Variants in CCDC172 observed in about 807,000 individuals in gnomAD.
CCDC172 encodes coiled-coil domain containing 172.
A neutral mutation model predicts 38.0 loss-of-function variants in CCDC172; 30 were observed. The observed-to-expected ratio is 0.79, with a 90% CI of 0.59 to 1.07. The LOEUF is 1.07. CCDC172 is among the 50% of genes least tolerant of loss of function. The pLI is 0.00. For synonymous variants in CCDC172, 78 were observed against 88.3 expected (o/e 0.88, Z 0.66); for missense variants, 297 against 290.1 (o/e 1.02, Z -0.17).
intron 7 of CCDC172, among the ~76,000 whole-genome samples, chr10:116,375,589 T>G (rs563974769): frequency 1.3e-5 from 2 of 151,944 alleles, no homozygotes; most frequent in South Asian, 2.1e-4. Context: ...AATCATGGTT[T>G]CCAGCTTCAT....
chr10:116,325,232 G>C (rs1431476510), intron 2 of CCDC172, 71 bp from the exon 3 acceptor site: 1 of 1,499,122 alleles, frequency 6.7e-7, no homozygotes, highest in East Asian at 2.3e-5. Context: ...CTGAAAGGTG[G>C]CTTATCAAAC....
At chr10:116,372,570 T>G (rs759097825) in intron 7 of CCDC172, among the ~76,000 whole-genome samples, 11 of 152,180 alleles carry the variant, frequency 7.2e-5, no homozygotes, top group Non-Finnish European at 1.5e-4. Flanking sequence ...TCTGGCTTTT[T>G]AGATTTACCA....
chr10:116,347,804 C>T (rs1044740941), intron 5 of CCDC172, among the ~76,000 whole-genome samples: 1 of 152,128 alleles, frequency 6.6e-6, no homozygotes, highest in Non-Finnish European at 1.5e-5. Flanking sequence ...AACTTGATTT[C>T]ACTGGGTTTT....
In CCDC172 at chr10:116,367,280, T is replaced by C. The variant is rs143730838; in HGVS notation, c.653+9342T>C. 4.4e-3 allele frequency among the ~76,000 whole-genome samples: 665 copies of C among 152,286 alleles called. 4 individuals carry two copies. The highest frequency in any genetic ancestry group is 0.015 in the African/African-American group (641 of 41,546). On this transcript the variant is annotated intron_variant, in intron 7 of 8. Coordinates refer to ENST00000333254, the MANE Select transcript of CCDC172 (RefSeq NM_198515.3). ...GAATGTTCTCATGATAAAGTAATGA[T>C]AAATGTATGAGGTGATGGATATACA... is the stretch of plus-strand genomic sequence containing the variant.
At chr10:116,341,754 A>C (rs1844797948) in intron 4 of CCDC172, among the ~76,000 whole-genome samples, 1 of 151,850 alleles carries the variant, frequency 6.6e-6, no homozygotes, top group South Asian at 2.1e-4. Flanking sequence ...GAATTTTAAT[A>C]CACAAATAAA....
At chr10:116,333,749 T>C (rs1370118806) in intron 3 of CCDC172, among the ~76,000 whole-genome samples, 2 of 152,308 alleles carry the variant, frequency 1.3e-5, no homozygotes, top group East Asian at 1.9e-4. Context: ...ATGAGCAGCT[T>C]TGGAGGAATA....
At chr10:116,378,031 A>G (rs528105359) in intron 7 of CCDC172, among the ~76,000 whole-genome samples, 127 of 152,200 alleles carry the variant, frequency 8.3e-4, no homozygotes, top group African/African-American at 2.8e-3. Flanking sequence ...AAACACAAAA[A>G]TTAGCTGAGT....
chr10:116,345,325 G>A (rs918742286), intron 5 of CCDC172, among the ~76,000 whole-genome samples: 13 of 152,218 alleles, frequency 8.5e-5, no homozygotes, highest in Middle Eastern at 3.4e-3. Context: ...TCTTCACACC[G>A]TATTATAAAT....
intron 3 of CCDC172, among the ~76,000 whole-genome samples, chr10:116,334,101 G>C (rs1191628061): frequency 6.6e-6 from 1 of 152,218 alleles, no homozygotes; most frequent in East Asian, 1.9e-4. Flanking sequence ...TCCCAAGAGA[G>C]ATAGAGGAAG....
chr10:116,325,226 A>G, intron 2 of CCDC172, 77 bp from the exon 3 acceptor site: 1 of 1,475,720 alleles, frequency 6.8e-7, no homozygotes, highest in African/African-American at 1.4e-5. Flanking sequence ...AGACAACTGA[A>G]AGGTGGCTTA....
chr10:116,367,551 G>A lies in CCDC172; in HGVS notation c.653+9613G>A, dbSNP rs1445540790. Among the ~76,000 whole-genome samples, 6 of 152,020 alleles carry A rather than the reference G, an allele frequency of 3.9e-5. No homozygotes were observed. The South Asian group carries it at 1.0e-3, about 26-fold the overall frequency. On this transcript the variant is annotated intron_variant, in intron 7 of 8. Coordinates refer to ENST00000333254, the MANE Select transcript of CCDC172 (RefSeq NM_198515.3). ...AAAAGTACAAAAAACTTATCTGGGC[G>A]TGGTGGCGGGTGTTTGTAGTCCCAG...
chr10:116,335,753 C>CT, intron 3 of CCDC172, among the ~76,000 whole-genome samples: 1 of 151,998 alleles, frequency 6.6e-6, no homozygotes, highest in East Asian at 1.9e-4. Flanking sequence ...ATTTTCCATG[C>CT]TTTTTTCTGT....
At chr10:116,354,862 C>G (rs1195581678) in intron 5 of CCDC172, among the ~76,000 whole-genome samples, 1 of 152,206 alleles carries the variant, frequency 6.6e-6, no homozygotes, top group Non-Finnish European at 1.5e-5. Flanking sequence ...TATTGATGAT[C>G]CCACCCTTGT....
At position 116,357,932 on chromosome 10, in the gene CCDC172, G is replaced by A. The variant is rs1725792736; in HGVS notation, c.647G>A (p.Cys216Tyr). The change falls in exon 7 of 9, where the codon TGC (cysteine) becomes TAC (tyrosine). Residue 216 changes from cysteine to tyrosine, a missense_variant. Transcript: ENST00000333254. ...ISEKPQNDTE[C>Y]LRLKKELELY... ...GAAAAGCCTCAAAATGATACAGAAT[G>A]CTTAAGGTAAGAGTTTCCTGTTATA... 1 of 1,558,746 alleles carries A rather than the reference G, an allele frequency of 6.4e-7. No homozygotes were observed. Among genetic ancestry groups the A allele is most frequent in the Non-Finnish European group, 8.8e-7 (1 of 1,141,454 alleles).
At chr10:116,351,062 T>C (rs2134938693) in intron 5 of CCDC172, among the ~76,000 whole-genome samples, 1 of 152,284 alleles carries the variant, frequency 6.6e-6, no homozygotes, top group East Asian at 1.9e-4. Context: ...ACTTACCTTT[T>C]TCATTTAGGC....
At chr10:116,349,977 G>T (rs1011665270) in intron 5 of CCDC172, among the ~76,000 whole-genome samples, 1 of 152,122 alleles carries the variant, frequency 6.6e-6, no homozygotes, top group South Asian at 2.1e-4. Context: ...AATACCTGGG[G>T]GAATATCATT....
chr10:116,358,817 A>AT (rs997275114), intron 7 of CCDC172, among the ~76,000 whole-genome samples: 19 of 150,840 alleles, frequency 1.3e-4, no homozygotes, highest in African/African-American at 2.7e-4. Context: ...CTGCTCATTC[A>AT]TTTTTTTTTG....
At chr10:116,349,763 A>T (rs1479230188) in intron 5 of CCDC172, among the ~76,000 whole-genome samples, 2 of 152,158 alleles carry the variant, frequency 1.3e-5, no homozygotes, top group Non-Finnish European at 2.9e-5. Flanking sequence ...AGAAGAAAAA[A>T]ATCCCTGCCC....
chr10:116,335,095 TG>T (rs1844712254), intron 3 of CCDC172, among the ~76,000 whole-genome samples: 3 of 152,072 alleles, frequency 2.0e-5, no homozygotes, highest in African/African-American at 7.2e-5. Context: ...TTTGTGTTGC[TG>T]GAATTTTTAA....
Sources: allele counts gnomAD v4.1 joint callset (sites outside exome capture counted in the v4.1 genomes callset), GRCh38; gene constraint gnomAD v4.1.1; transcripts MANE v1.5; gene names NCBI Gene and HGNC (gene_info 2026-07-23, HGNC 2026-07-21).